The following BROX variants were observed in gnomAD, a reference collection of about 807,000 sequenced individuals.
BROX encodes the protein BRO1 domain and CAAX motif containing.
In BROX, 53 loss-of-function variants were observed where a neutral mutation model predicts 61.0. The ratio of observed to expected loss-of-function variants is 0.87; its 90% CI spans 0.70 to 1.09. The LOEUF (loss-of-function observed/expected upper bound fraction) is 1.09, where lower values mean the gene tolerates loss of function less well. Among genes scored for constraint, BROX ranks in the 50% least tolerant of loss-of-function variants. BROX has a pLI of 0.00. For missense variants in BROX, 489 were observed against 472.0 expected, an observed-to-expected ratio of 1.04 and a Z score of -0.33; for synonymous variants, 152 against 160.2, an observed-to-expected ratio of 0.95 and a Z score of 0.38.
chr1:222,730,230 A>G (rs1657837491), intron 11 of BROX, 53 bp downstream of exon 11: 1 of 1,149,694 alleles, frequency 8.7e-7, no homozygotes, highest in Non-Finnish European at 1.2e-6. Context: ...ATTTATGATT[A>G]TATTAAAATA....
At chr1:222,728,656 C>G (rs940736519) in intron 8 of BROX, 87 bp from the exon 9 acceptor site, 117 of 778,398 alleles carry the variant, frequency 1.5e-4, no homozygotes, top group Non-Finnish European at 2.0e-4. Context: ...GGCATTCTTT[C>G]TGCTTTTATC....
intron 7 of BROX, 81 bp downstream of exon 7, chr1:222,725,636 A>C: frequency 8.5e-7 from 1 of 1,171,002 alleles, no homozygotes; most frequent in Non-Finnish European, 1.2e-6. Context: ...GAAGTTGGGC[A>C]CTGTGGCTTA....
intron 4 of BROX, among the ~76,000 whole-genome samples, chr1:222,720,965 C>G (rs1423930051): frequency 6.6e-6 from 1 of 152,180 alleles, no homozygotes; most frequent in Non-Finnish European, 1.5e-5. Context: ...GCTGCTTACT[C>G]AGTGGAAATC....
chr1:222,714,650 G>A (rs1483113212), intron 1 of BROX, among the ~76,000 whole-genome samples: 3 of 151,600 alleles, frequency 2.0e-5, no homozygotes, highest in Non-Finnish European at 4.4e-5. Context: ...AGTGCCATGG[G>A]GAGATCAGGG....
rs1558221200 is a variant in BROX, at chr1:222,712,875, G to T, written c.-84G>T. ...GGTTCTCCGACTCCCTCTTTTTCTC[G>T]CTTGTGGACTCCGATATATTGCCCT... is the stretch of plus-strand genomic sequence containing the variant. On this transcript the variant is annotated 5_prime_UTR_variant, in exon 1 of 13. Transcript: ENST00000340934. The T allele has an allele frequency of 1.5e-5, 19 of 1,265,654 alleles. No homozygotes were observed. Among genetic ancestry groups the T allele is most frequent in the Non-Finnish European group, 1.9e-5 (19 of 974,360 alleles). The allele number at this position is 1,265,654 out of a possible 1,614,324, so 78.4% of individuals were successfully genotyped here. A position where few individuals can be genotyped will look rare whatever the true frequency, so the allele number is the denominator to read the frequency against.
Position 222,713,449 on chromosome 1 carries a change from G to A in BROX, c.-17+507G>A, listed in dbSNP as rs557954246. On this transcript the variant is annotated intron_variant, in intron 1 of 12. Transcript: ENST00000340934. ...CCTCTGGGGACTCGGGGCTTCCGGG[G>A]TGGGGGTCCCTTGTTAGGAGCGGGA... The A allele has an allele frequency of 3.0e-5, 30 of 985,070 alleles. No individual in the cohort carries two copies. In the African/African-American group the frequency reaches 4.5e-4, roughly 15 times the overall value. 61.0% of individuals were successfully genotyped at this position (985,070 alleles called of 1,614,324 possible). A position where few individuals can be genotyped will look rare whatever the true frequency, so the allele number is the denominator to read the frequency against.
Position 222,731,624 on chromosome 1 carries a change from T to C in BROX, c.1149+108T>C, listed in dbSNP as rs181351441. ...AAATAGATACATATCTTTGTCTAAA[T>C]GTTAAGTTAGCTAGTTATATAGTGC... On this transcript the variant is annotated intron_variant, in intron 12 of 12. Coordinates refer to ENST00000340934, the MANE Select transcript of BROX (RefSeq NM_144695.4). 2.7e-4 allele frequency: 329 copies of C among 1,228,852 alleles called. 2 individuals are homozygous for C. In the Admixed American group the frequency reaches 3.7e-3, roughly 14 times the overall value. 76.1% of individuals were successfully genotyped at this position (1,228,852 alleles called of 1,614,324 possible). A position where few individuals can be genotyped will look rare whatever the true frequency, so the allele number is the denominator to read the frequency against.
At chr1:222,731,081 T>G (rs1181699894) in intron 11 of BROX, among the ~76,000 whole-genome samples, 1 of 152,196 alleles carries the variant, frequency 6.6e-6, no homozygotes. Context: ...GCATGCCTAG[T>G]TCACCTTTAA....
At chr1:222,728,674 C>A in intron 8 of BROX, 69 bp from the exon 9 acceptor site, 1 of 979,212 alleles carries the variant, frequency 1.0e-6, no homozygotes, top group Non-Finnish European at 1.6e-6. Context: ...ATCATCAGAA[C>A]ACATGAACTA....
chr1:222,732,937 T>C lies in BROX; in HGVS notation c.*223T>C. The stretch of plus-strand genomic sequence containing the variant: ...TAATCAGGACAACATTTGAAAGATT[T>C]TATTGTGCCTCTAAAGGGTATATTT... On this transcript the variant is annotated 3_prime_UTR_variant, in exon 13 of 13. Coordinates refer to ENST00000340934, the MANE Select transcript of BROX (RefSeq NM_144695.4). 2 of 514,302 alleles carry C rather than the reference T, an allele frequency of 3.9e-6. No homozygotes were observed. The allele number at this position is 514,302 out of a possible 1,614,324, so 31.9% of individuals were successfully genotyped here. A position where few individuals can be genotyped will look rare whatever the true frequency, so the allele number is the denominator to read the frequency against.
intron 9 of BROX, among the ~76,000 whole-genome samples, chr1:222,729,096 A>C (rs537997646): frequency 1.3e-5 from 2 of 152,332 alleles, no homozygotes; most frequent in Non-Finnish European, 2.9e-5. Context: ...AAATTCTTTC[A>C]ATTGTTTCAT....
intron 11 of BROX, 69 bp downstream of exon 11, chr1:222,730,246 ATTTTAG>A: frequency 9.2e-7 from 1 of 1,086,748 alleles, no homozygotes; most frequent in Non-Finnish European, 1.2e-6. Context: ...AAATATTAAT[ATTTTAG>A]TAATATCATT....
intron 2 of BROX, 39 bp downstream of exon 2, chr1:222,715,839 C>CT (rs763840640): frequency 6.7e-6 from 9 of 1,334,056 alleles, no homozygotes; most frequent in South Asian, 2.7e-5. Flanking sequence ...ATGCAAGGTA[C>CT]TTTTTTTGGT....
chr1:222,730,980 G>T (rs575464316), intron 11 of BROX, among the ~76,000 whole-genome samples: 1 of 151,986 alleles, frequency 6.6e-6, no homozygotes, highest in African/African-American at 2.4e-5. Context: ...CTGTGTAGGT[G>T]GGTAGACTCA....
chr1:222,723,890 C>G (rs905356962), intron 5 of BROX, among the ~76,000 whole-genome samples: 1 of 152,150 alleles, frequency 6.6e-6, no homozygotes, highest in African/African-American at 2.4e-5. Context: ...AACTTCTGGC[C>G]TCAAGCAACC....
In BROX at chr1:222,725,492, A is replaced by G. The variant is rs1372905077; in HGVS notation, c.517A>G (p.Arg173Gly). 1.2e-6 allele frequency: 2 copies of G among 1,612,946 alleles called. No homozygotes were observed. Among genetic ancestry groups the G allele is most frequent in the African/African-American group, 2.7e-5 (2 of 74,990 alleles). ...ACTCATTACACCTGCGGAAAAAGGA[A>G]GAGATTTAGAGTCACGACTCATAGA... is the stretch of plus-strand genomic sequence containing the variant. ...PKLITPAEKGRDLESRLIEAY... is the reference protein window; with the variant it reads ...PKLITPAEKGGDLESRLIEAY... Residue 173 changes from arginine (R) to glycine (G), a missense_variant, in exon 7 of 13, where the codon AGA (arginine) becomes GGA (glycine). By Grantham distance (125) the Arg-to-Gly change is moderately radical. Coordinates refer to ENST00000340934, the MANE Select transcript of BROX (RefSeq NM_144695.4).
intron 4 of BROX, among the ~76,000 whole-genome samples, chr1:222,721,028 GACT>G (rs1303093493): frequency 2.0e-5 from 3 of 152,086 alleles, no homozygotes; most frequent in Non-Finnish European, 4.4e-5. Context: ...TAGTTACTAT[GACT>G]ACTACTTTTA....
At chr1:222,726,429 G>T (rs1657503455) in intron 7 of BROX, among the ~76,000 whole-genome samples, 1 of 152,014 alleles carries the variant, frequency 6.6e-6, no homozygotes, top group Non-Finnish European at 1.5e-5. Flanking sequence ...AAATTAGCCA[G>T]TTGGCTGGGT....
chr1:222,721,717 A>G (rs751941989), intron 4 of BROX, among the ~76,000 whole-genome samples: 2 of 152,202 alleles, frequency 1.3e-5, no homozygotes. Context: ...ACTTGTGTTC[A>G]GGACCTTTTT....
Sources: gnomAD v4.1 joint callset for allele counts (sites outside exome capture counted in the v4.1 genomes callset) on GRCh38, gnomAD v4.1.1 for gene constraint, MANE v1.5 for transcripts, NCBI Gene and HGNC (gene_info 2026-07-23, HGNC 2026-07-21) for gene names.